LPA: variants seen among roughly 807,000 people sequenced by gnomAD.
LPA encodes the protein apolipoprotein(a).
In LPA, 199 loss-of-function variants were observed where a neutral mutation model predicts 197.9. The ratio of observed to expected loss-of-function variants is 1.01; its 90% CI spans 0.90 to 1.13. LPA has a LOEUF of 1.13. Ranked by LOEUF, LPA falls within the 50% of genes most tolerant of loss-of-function variation. LPA has a pLI of 0.00. For missense variants in LPA, 1,853 were observed against 1,785.8 expected (o/e 1.04, Z -0.68); for synonymous variants, 715 against 639.5 (o/e 1.12, Z -1.78).
At chr6:160,586,284 C>T (rs1231700085) in intron 25 of LPA, among the ~76,000 whole-genome samples, 165 bp downstream of exon 25, 1 of 152,178 alleles carries the variant, frequency 6.6e-6, no homozygotes, top group Non-Finnish European at 1.5e-5. Flanking sequence ...AACATCCCAG[C>T]TCTGGTCCCC....
intron 33 of LPA, among the ~76,000 whole-genome samples, chr6:160,543,780 C>T (rs897690932): frequency 5.9e-5 from 9 of 152,182 alleles, no homozygotes; most frequent in African/African-American, 2.2e-4. Context: ...ATTTATTATT[C>T]GTACTGAATG....
At chr6:160,584,679 C>T (rs1325154091) in intron 26 of LPA, among the ~76,000 whole-genome samples, 1 of 152,038 alleles carries the variant, frequency 6.6e-6, no homozygotes, top group African/African-American at 2.4e-5. Context: ...ACACAAATTT[C>T]ACTTCAGGGA....
chr6:160,634,807 TCA>T (rs1486211255), intron 7 of LPA, among the ~76,000 whole-genome samples: 1 of 150,320 alleles, frequency 6.7e-6, no homozygotes, highest in Non-Finnish European at 1.5e-5. Flanking sequence ...ACAGAAAGAA[TCA>T]CACACCTGAC....
chr6:160,652,045 AG>A (rs1780016165), intron 1 of LPA, among the ~76,000 whole-genome samples: 1 of 151,928 alleles, frequency 6.6e-6, no homozygotes, highest in South Asian at 2.1e-4. Flanking sequence ...GAAGCATATA[AG>A]GTTTATGAAG....
Position 160,547,906 on chromosome 6 carries a change from C to T in LPA, c.5187G>A (p.Arg1729=). 2 of 1,613,960 alleles carry T rather than the reference C, an allele frequency of 1.2e-6. No homozygotes were observed. Among genetic ancestry groups the T allele is most frequent in the South Asian group, 1.1e-5 (1 of 91,066 alleles). ...CAGTAACAGTGGTTGCCTTCTTGCC[C>T]CGGTATCCTTTCCCATTCCCAAACA... The part of the protein sequence containing the change: ...DCMFGNGKGY[R]GKKATTVTGT... The change falls in exon 32 of 39, where the codon CGG becomes CGA. Residue 1729 remains arginine, a synonymous_variant. Coordinates refer to ENST00000316300, the MANE Select transcript of LPA (RefSeq NM_005577.4).
rs199536939 is a variant in LPA, at chr6:160,585,206, C to T, written c.4130-1G>A. 15 of 1,613,328 alleles carry T rather than the reference C, an allele frequency of 9.3e-6. No homozygotes were observed. Among genetic ancestry groups the T allele is most frequent in the African/African-American group, 5.4e-5 (4 of 74,762 alleles). On this transcript the variant is annotated splice_acceptor_variant, in intron 25 of 38. Coordinates refer to ENST00000316300, the MANE Select transcript of LPA (RefSeq NM_005577.4). LOFTEE classifies it high-confidence loss of function. ...ACCCCAGTGCTGTTTTCAGTTGGTG[C>T]TGAAATTAAAAGAGAAAATCAAGCT...
intron 28 of LPA, among the ~76,000 whole-genome samples, chr6:160,558,552 C>G (rs1364790303): frequency 6.6e-6 from 1 of 152,154 alleles, no homozygotes; most frequent in Non-Finnish European, 1.5e-5. Flanking sequence ...AGGATGGGTT[C>G]CTGGGCAGGA....
At chr6:160,595,614 T>A in intron 20 of LPA, 79 bp from the exon 21 acceptor site, 3 of 1,596,304 alleles carry the variant, frequency 1.9e-6, no homozygotes, top group Non-Finnish European at 2.6e-6. Flanking sequence ...CATTTTGCTG[T>A]AACAAAGTGT....
At position 160,542,799 on chromosome 6, in the gene LPA, G is replaced by C; in HGVS notation, c.5408C>G (p.Ser1803Ter). 1 of 1,614,058 alleles carries C rather than the reference G, an allele frequency of 6.2e-7. No individual in the cohort carries two copies. The highest frequency in any genetic ancestry group is 8.5e-7 in the Non-Finnish European group (1 of 1,179,960). ...YCDIPLCASS[S>*]FDCGKPQVEP... Reference sequence around the variant, plus strand: ...CACTTGAGGCTTCCCACAATCAAATGAAGAGGATGCTGTGGCACAAGGTGG... The same window carrying C: ...CACTTGAGGCTTCCCACAATCAAATCAAGAGGATGCTGTGGCACAAGGTGG... Residue 1803 changes from serine (S) to a stop codon, truncating the protein, a stop_gained, in exon 34 of 39, where the codon TCA becomes TGA. Coordinates refer to ENST00000316300, the MANE Select transcript of LPA (RefSeq NM_005577.4). LOFTEE classifies it high-confidence loss of function.
chr6:160,574,571 C>T (rs1375909733), intron 28 of LPA, among the ~76,000 whole-genome samples: 1 of 152,134 alleles, frequency 6.6e-6, no homozygotes, highest in African/African-American at 2.4e-5. Flanking sequence ...GCTCTGAGGT[C>T]TTCTCTGCTG....
chr6:160,559,072 T>C (rs1778319368), intron 28 of LPA, among the ~76,000 whole-genome samples: 1 of 152,224 alleles, frequency 6.6e-6, no homozygotes, highest in South Asian at 2.1e-4. Flanking sequence ...ATGTTGTTTT[T>C]TTGATGATTT....
chr6:160,600,545 C>G (rs1779217938), intron 19 of LPA, among the ~76,000 whole-genome samples: 1 of 152,108 alleles, frequency 6.6e-6, no homozygotes, highest in East Asian at 1.9e-4. Flanking sequence ...CTGAAGATTG[C>G]ACTGAATGCT....
At chr6:160,659,039 C>T (rs928678089) in intron 1 of LPA, among the ~76,000 whole-genome samples, 2 of 152,080 alleles carry the variant, frequency 1.3e-5, no homozygotes, top group African/African-American at 4.8e-5. Flanking sequence ...AATAGGCCAC[C>T]TGCAATCTGA....
intron 34 of LPA, among the ~76,000 whole-genome samples, chr6:160,542,452 C>G (rs1777995491): frequency 6.6e-6 from 1 of 152,160 alleles, no homozygotes; most frequent in Admixed American, 6.5e-5. Flanking sequence ...ATCACTGTGC[C>G]TACAGATTTT....
chr6:160,605,015 C>T (rs781007758), intron 18 of LPA, 31 bp downstream of exon 18: 3 of 1,612,386 alleles, frequency 1.9e-6, no homozygotes, highest in Non-Finnish European at 2.5e-6. Context: ...ACTGACCCTT[C>T]CTTCACTTAT....
In LPA at chr6:160,593,908, G is replaced by T. The variant is rs761351824; in HGVS notation, c.3629+50C>A. 8 of 1,605,630 alleles carry T rather than the reference G, an allele frequency of 5.0e-6. No individual in the cohort carries two copies. The South Asian group carries it at 6.6e-5, about 13-fold the overall frequency. ...AGTTGGAAGCATGGCCCTTCCAAGA[G>T]AAATGTAAGGGGGCTGCTGTCTGTC... On this transcript the variant is annotated intron_variant, in intron 22 of 38. Coordinates refer to ENST00000316300, the MANE Select transcript of LPA (RefSeq NM_005577.4).
At chr6:160,606,923 G>A (rs542372547) in intron 16 of LPA, among the ~76,000 whole-genome samples, 13 of 152,088 alleles carry the variant, frequency 8.5e-5, no homozygotes, top group African/African-American at 2.2e-4. Context: ...CATACACGTG[G>A]GCAAAAAACG....
intron 38 of LPA, 72 bp downstream of exon 38, chr6:160,532,459 T>C (rs1163326816): frequency 3.7e-5 from 47 of 1,260,198 alleles, no homozygotes; most frequent in Admixed American, 1.3e-4. Flanking sequence ...TTTGCCACTT[T>C]GGGACTGACG....
chr6:160,538,013 G>A (rs776368408), intron 36 of LPA, 52 bp from the exon 37 acceptor site: 9 of 1,513,236 alleles, frequency 5.9e-6, no homozygotes, highest in Non-Finnish European at 5.5e-6. Context: ...GGAAGTGGCA[G>A]TACCTACAAC....
Sources: gnomAD v4.1 joint callset for allele counts (sites outside exome capture counted in the v4.1 genomes callset) on GRCh38, gnomAD v4.1.1 for gene constraint, MANE v1.5 for transcripts, NCBI Gene and HGNC (gene_info 2026-07-23, HGNC 2026-07-21) for gene names.